The following PDZRN3 variants were observed in gnomAD, a reference collection of about 807,000 sequenced individuals.
PDZRN3 encodes E3 ubiquitin-protein ligase PDZRN3.
PDZRN3 carries 38 observed loss-of-function variants against 85.7 expected under a neutral mutation model. The observed-to-expected ratio is 0.44, with a 90% CI of 0.34 to 0.58. The LOEUF is 0.58. PDZRN3 is among the 20% of genes least tolerant of loss of function. The pLI is 0.01. For missense variants in PDZRN3, 1,629 were observed against 1,506.4 expected, an observed-to-expected ratio of 1.08 and a Z score of -1.35; for synonymous variants, 759 against 638.0, an observed-to-expected ratio of 1.19 and a Z score of -2.86.
intron 5 of PDZRN3, among the ~76,000 whole-genome samples, chr3:73,395,496 A>G (rs968406585): frequency 1.3e-5 from 2 of 152,208 alleles, no homozygotes. Flanking sequence ...CGATATTCCA[A>G]TGAAGAGTAT....
intron 5 of PDZRN3, among the ~76,000 whole-genome samples, chr3:73,393,022 A>C (rs1231920425): frequency 6.6e-6 from 1 of 152,148 alleles, no homozygotes. Context: ...ACTTCATTTG[A>C]ATATGCATAA....
At chr3:73,490,620 A>AC (rs1703752187) in intron 3 of PDZRN3, among the ~76,000 whole-genome samples, 1 of 152,192 alleles carries the variant, frequency 6.6e-6, no homozygotes, top group South Asian at 2.1e-4. Context: ...GGCAACAAAA[A>AC]TGGGGGGTAT....
intron 3 of PDZRN3, among the ~76,000 whole-genome samples, chr3:73,446,719 G>A (rs930065956): frequency 6.6e-6 from 1 of 152,106 alleles, no homozygotes; most frequent in Non-Finnish European, 1.5e-5. Flanking sequence ...TGCTTCTGGC[G>A]ATGTGAACCT....
chr3:73,487,875 A>T (rs1703694687), intron 3 of PDZRN3, among the ~76,000 whole-genome samples: 1 of 152,184 alleles, frequency 6.6e-6, no homozygotes, highest in African/African-American at 2.4e-5. Context: ...GCCATTTCAC[A>T]ACAGGGCAAA....
chr3:73,574,537 C>A (rs1702092630), intron 3 of PDZRN3, among the ~76,000 whole-genome samples: 1 of 151,978 alleles, frequency 6.6e-6, no homozygotes, highest in Non-Finnish European at 1.5e-5. Context: ...CAGCTCACTG[C>A]AACCTCCACC....
chr3:73,624,181 G>C lies in PDZRN3; in HGVS notation c.645C>G (p.Arg215=). 6.7e-7 allele frequency: 1 copy of C among 1,502,230 alleles called. No homozygotes were observed. Among genetic ancestry groups the C allele is most frequent in the Non-Finnish European group, 8.8e-7 (1 of 1,131,212 alleles). 93.1% of individuals were successfully genotyped at this position (1,502,230 alleles called of 1,614,324 possible). A position where few individuals can be genotyped will look rare whatever the true frequency, so the allele number is the denominator to read the frequency against. ...TGTATTCGGTGAATTTCTTCTGGTA[G>C]CGCAGCGCGGTCATCTGCAGCTCAA... The part of the protein sequence containing the change: ...AQLELQMTAL[R]YQKKFTEYSA... The change falls in exon 1 of 10, where the codon CGC becomes CGG. Residue 215 remains arginine, a synonymous_variant. Transcript: ENST00000263666.
At chr3:73,518,039 G>T (rs1559718670) in intron 3 of PDZRN3, among the ~76,000 whole-genome samples, 1 of 152,212 alleles carries the variant, frequency 6.6e-6, no homozygotes, top group Non-Finnish European at 1.5e-5. Flanking sequence ...GCAGGGTCTT[G>T]AAGAGATATT....
At position 73,565,793 on chromosome 3, in the gene PDZRN3, ACACACACACACAC is replaced by A. The variant is rs1701936307; in HGVS notation, c.918+36548_918+36560del. Among the ~76,000 whole-genome samples, 608 of 145,166 alleles carry A rather than the reference ACACACACACACAC, an allele frequency of 4.2e-3. 4 individuals carry two copies. The highest frequency in any genetic ancestry group is 9.8e-3 in the African/African-American group (358 of 36,370). Reference sequence around the variant, plus strand: ...TCTCTACTAAAAATACAAAACACACACACACACACACACACACACACACACACACACACACACA... The same window carrying A: ...TCTCTACTAAAAATACAAAACACACAACACACACACACACACACACACACA... On this transcript the variant is annotated intron_variant, in intron 3 of 9. Coordinates refer to ENST00000263666, the MANE Select transcript of PDZRN3 (RefSeq NM_015009.3).
Position 73,432,506 on chromosome 3 carries a change from A to T in PDZRN3, c.919-28111T>A, listed in dbSNP as rs143909197. On this transcript the variant is annotated intron_variant, in intron 3 of 9. Coordinates refer to ENST00000263666, the MANE Select transcript of PDZRN3 (RefSeq NM_015009.3). ...GACCCTCTCTCTGTCTCAGTGGGGAAGGCAGACAGACAGAGAGATACTTTT... is the reference window on the plus strand; with the variant it reads ...GACCCTCTCTCTGTCTCAGTGGGGATGGCAGACAGACAGAGAGATACTTTT... Among the ~76,000 whole-genome samples the T allele has an allele frequency of 7.7e-3, 1,170 of 152,256 alleles. 15 individuals carry two copies. Among genetic ancestry groups the T allele is most frequent in the African/African-American group, 0.027 (1,111 of 41,550 alleles).
chr3:73,611,999 TCA>T (rs1702692460), intron 1 of PDZRN3, among the ~76,000 whole-genome samples: 1 of 152,182 alleles, frequency 6.6e-6, no homozygotes. Context: ...TCCCGACTGT[TCA>T]CAGACATGGT....
intron 3 of PDZRN3, among the ~76,000 whole-genome samples, chr3:73,563,011 ATATTTTTTTTTTT>A (rs1350517667): frequency 5.2e-5 from 2 of 38,212 alleles, no homozygotes; most frequent in African/African-American, 2.5e-4. Context: ...ATATATATAT[ATATTTTTTTTTTT>A]TTTTTTTTTT....
chr3:73,546,081 T>C (rs993704243), intron 3 of PDZRN3, among the ~76,000 whole-genome samples: 15 of 152,284 alleles, frequency 9.9e-5, no homozygotes, highest in African/African-American at 3.4e-4. Flanking sequence ...TTCTGTATAC[T>C]GTGTCCGCAG....
intron 3 of PDZRN3, among the ~76,000 whole-genome samples, chr3:73,466,670 A>G (rs1241071367): frequency 6.6e-6 from 1 of 152,200 alleles, no homozygotes; most frequent in African/African-American, 2.4e-5. Context: ...CTTAACACGC[A>G]GAAACTCTAG....
At chr3:73,500,005 T>C (rs1223149079) in intron 3 of PDZRN3, among the ~76,000 whole-genome samples, 2 of 152,160 alleles carry the variant, frequency 1.3e-5, no homozygotes, top group Admixed American at 6.5e-5. Flanking sequence ...TCTTTCATTA[T>C]TTGGAAAACC....
chr3:73,477,491 T>G (rs1703480117), intron 3 of PDZRN3, among the ~76,000 whole-genome samples: 1 of 152,206 alleles, frequency 6.6e-6, no homozygotes, highest in South Asian at 2.1e-4. Flanking sequence ...CTTGGATTAT[T>G]AAAATTAAAG....
At chr3:73,420,888 A>C (rs763303540) in intron 3 of PDZRN3, among the ~76,000 whole-genome samples, 3 of 152,208 alleles carry the variant, frequency 2.0e-5, no homozygotes, top group Non-Finnish European at 4.4e-5. Flanking sequence ...GCATCCTCCC[A>C]TATAGTTTAA....
chr3:73,519,353 C>T (rs1053468292), intron 3 of PDZRN3, among the ~76,000 whole-genome samples: 1 of 152,148 alleles, frequency 6.6e-6, no homozygotes, highest in Non-Finnish European at 1.5e-5. Flanking sequence ...GGGGGAAATG[C>T]CAGCACGAAG....
intron 3 of PDZRN3, among the ~76,000 whole-genome samples, chr3:73,424,380 A>AAAAAAAT (rs1426193504): frequency 4.7e-5 from 7 of 148,756 alleles, no homozygotes; most frequent in African/African-American, 1.7e-4. Context: ...AAAAAAAAAA[A>AAAAAAAT]AAAAAAAAAA....
At chr3:73,588,873 G>T (rs1311028430) in intron 3 of PDZRN3, among the ~76,000 whole-genome samples, 1 of 152,142 alleles carries the variant, frequency 6.6e-6, no homozygotes, top group Non-Finnish European at 1.5e-5. Context: ...AGAAACACTT[G>T]TTTAGGTTTG....
Sources: allele counts gnomAD v4.1 joint callset (sites outside exome capture counted in the v4.1 genomes callset), GRCh38; gene constraint gnomAD v4.1.1; transcripts MANE v1.5; gene names NCBI Gene and HGNC (gene_info 2026-07-23, HGNC 2026-07-21).